The following CADM2 variants were observed in gnomAD, a reference collection of about 807,000 sequenced individuals.
The protein encoded by CADM2 is cell adhesion molecule 2.
Under a neutral mutation model 49.8 loss-of-function variants are expected in CADM2, and 12 were observed. The ratio of observed to expected loss-of-function variants is 0.24; its 90% CI spans 0.15 to 0.39. The LOEUF is 0.39. Ranked by LOEUF, CADM2 falls within the 10% of genes least tolerant of loss-of-function variation. The pLI, the probability that CADM2 is intolerant of heterozygous loss-of-function variation, is 1.00. For synonymous variants in CADM2, 214 were observed against 175.4 expected (o/e 1.22, Z -1.74); for missense variants, 378 against 492.3 (o/e 0.77, Z 2.20).
intron 3 of CADM2, among the ~76,000 whole-genome samples, chr3:85,805,164 C>T (rs992781697): frequency 2.0e-5 from 3 of 152,018 alleles, no homozygotes; most frequent in South Asian, 4.1e-4. Context: ...GGCTAGGCTG[C>T]AACTCCTGAG....
intron 7 of CADM2, among the ~76,000 whole-genome samples, chr3:85,946,462 G>A (rs925842475): frequency 1.1e-4 from 17 of 152,050 alleles, no homozygotes; most frequent in East Asian, 3.9e-4. Flanking sequence ...AAAAGAGCCC[G>A]CATCGCCAAG....
rs1440467932 is a variant in CADM2, at chr3:86,055,481, G to GTTTTTTTTTTTTTTTTTTTTTTTTTT, written c.971-10120_971-10119insTTTTTTTTTTTTTTTTTTTTTTTTTT. Among the ~76,000 whole-genome samples the GTTTTTTTTTTTTTTTTTTTTTTTTTT allele has an allele frequency of 9.1e-5, 11 of 121,044 alleles. 1 individual carries two copies. Among genetic ancestry groups the GTTTTTTTTTTTTTTTTTTTTTTTTTT allele is most frequent in the African/African-American group, 6.5e-5 (2 of 30,942 alleles). The allele number at this position is 121,044 out of a possible 152,430, so 79.4% of individuals were successfully genotyped here. Reference sequence around the variant, plus strand: ...TTTTTTTTTTTTTTTTTTTTTTTTGGTTTTAGAGGGATTCTTGCTCTGTCA... The same window carrying GTTTTTTTTTTTTTTTTTTTTTTTTTT: ...TTTTTTTTTTTTTTTTTTTTTTTTGGTTTTTTTTTTTTTTTTTTTTTTTTTTTTTTAGAGGGATTCTTGCTCTGTCA... On this transcript the variant is annotated intron_variant, in intron 8 of 9. Coordinates refer to ENST00000383699, the MANE Select transcript of CADM2 (RefSeq NM_001167675.2).
intron 1 of CADM2, among the ~76,000 whole-genome samples, chr3:85,698,985 C>A (rs988763269): frequency 6.6e-6 from 1 of 152,200 alleles, no homozygotes; most frequent in African/African-American, 2.4e-5. Context: ...TAGTTACTCC[C>A]AAGCTACAAT....
intron 3 of CADM2, among the ~76,000 whole-genome samples, chr3:85,866,487 T>C (rs773750716): frequency 1.7e-4 from 26 of 152,170 alleles, no homozygotes; most frequent in Non-Finnish European, 3.1e-4. Context: ...GTGAATTTTA[T>C]GCCATATTAT....
At chr3:84,980,977 A>G (rs922948918) in intron 1 of CADM2, among the ~76,000 whole-genome samples, 1 of 151,588 alleles carries the variant, frequency 6.6e-6, no homozygotes, top group Non-Finnish European at 1.5e-5. Flanking sequence ...TAATATAGGA[A>G]TTTTTTTTTA....
At position 86,069,944 on chromosome 3, in the gene CADM2, G is replaced by A. The variant is rs1739709136; in HGVS notation, c.*3161G>A. 6.6e-6 allele frequency: 1 copy of A among 151,828 alleles called. No individual in the cohort carries two copies. Among genetic ancestry groups the A allele is most frequent in the Non-Finnish European group, 1.5e-5 (1 of 67,766 alleles). The allele number at this position is 151,828 out of a possible 1,614,324, so 9.4% of individuals were successfully genotyped here. ...ATTAAAGACAGAGCGCATGAGCAGA[G>A]TACTGATGGTGTGCGTGTTTGTGTG... On this transcript the variant is annotated 3_prime_UTR_variant, in exon 10 of 10. Coordinates refer to ENST00000383699, the MANE Select transcript of CADM2 (RefSeq NM_001167675.2).
chr3:85,308,983 T>G (rs1419227059), intron 1 of CADM2, among the ~76,000 whole-genome samples: 1 of 152,078 alleles, frequency 6.6e-6, no homozygotes, highest in Non-Finnish European at 1.5e-5. Flanking sequence ...GAAGTCCCTG[T>G]GCTCACAGAC....
At chr3:85,967,242 T>C (rs1418783854) in intron 8 of CADM2, among the ~76,000 whole-genome samples, 1 of 151,662 alleles carries the variant, frequency 6.6e-6, no homozygotes, top group Non-Finnish European at 1.5e-5. Flanking sequence ...TCCTGGGTAG[T>C]GATTCTCCAT....
chr3:85,916,976 A>G (rs1261240742), intron 6 of CADM2, among the ~76,000 whole-genome samples: 1 of 152,034 alleles, frequency 6.6e-6, no homozygotes, highest in Admixed American at 6.6e-5. Context: ...TCTTCTTTTG[A>G]GAAGTGTCTG....
chr3:85,640,465 C>T (rs547768834), intron 1 of CADM2, among the ~76,000 whole-genome samples: 14 of 152,292 alleles, frequency 9.2e-5, no homozygotes, highest in African/African-American at 3.4e-4. Context: ...ACCTAGTTGA[C>T]ACTTAACTCA....
At chr3:85,593,170 T>TTTTTA (rs201757843) in intron 1 of CADM2, among the ~76,000 whole-genome samples, 7 of 151,778 alleles carry the variant, frequency 4.6e-5, no homozygotes, top group African/African-American at 1.7e-4. Context: ...TTAATAAGAT[T>TTTTTA]TTTTATTTTA....
intron 1 of CADM2, among the ~76,000 whole-genome samples, chr3:85,193,133 A>G (rs1179371421): frequency 6.6e-6 from 1 of 152,086 alleles, no homozygotes; most frequent in African/African-American, 2.4e-5. Context: ...GATATGACAG[A>G]AAAGTATTAA....
At chr3:86,042,624 A>T (rs1216171857) in intron 8 of CADM2, among the ~76,000 whole-genome samples, 8 of 152,156 alleles carry the variant, frequency 5.3e-5, no homozygotes, top group Non-Finnish European at 1.2e-4. Context: ...GACCAGATGG[A>T]TTCACAGCTG....
intron 1 of CADM2, among the ~76,000 whole-genome samples, chr3:85,352,184 T>C (rs1158656840): frequency 6.6e-6 from 1 of 152,138 alleles, no homozygotes; most frequent in Non-Finnish European, 1.5e-5. Context: ...TAGTTCATCT[T>C]ATAAAAATAT....
intron 1 of CADM2, among the ~76,000 whole-genome samples, chr3:85,238,464 C>G (rs1176222500): frequency 6.6e-6 from 1 of 151,910 alleles, no homozygotes; most frequent in East Asian, 1.9e-4. Context: ...GCAACTTCTC[C>G]TGGTTCAGCT....
intron 1 of CADM2, among the ~76,000 whole-genome samples, chr3:85,346,827 T>A (rs1380556461): frequency 2.0e-5 from 3 of 152,214 alleles, no homozygotes; most frequent in African/African-American, 4.8e-5. Flanking sequence ...AGTGTTAATA[T>A]TTTATCTTTA....
At chr3:85,332,976 T>C (rs1370200376) in intron 1 of CADM2, among the ~76,000 whole-genome samples, 1 of 151,926 alleles carries the variant, frequency 6.6e-6, no homozygotes, top group Admixed American at 6.6e-5. Flanking sequence ...TAATTCTTTT[T>C]AAAATAAGTT....
intron 8 of CADM2, among the ~76,000 whole-genome samples, chr3:86,036,536 G>T (rs747671566): frequency 2.4e-4 from 36 of 151,888 alleles, no homozygotes; most frequent in Non-Finnish European, 4.3e-4. Flanking sequence ...TCTCTCCAAG[G>T]TGTTGGACTG....
chr3:85,359,267 G>A lies in CADM2; in HGVS notation c.62-367255G>A, dbSNP rs372040684. On this transcript the variant is annotated intron_variant, in intron 1 of 9. Transcript: ENST00000383699. ...TTATGCCTTTGTTGAGATTTTCAAA[G>A]TAATCCAAATACTTGAACAAGCATT... is the stretch of plus-strand genomic sequence containing the variant. 5.3e-5 allele frequency among the ~76,000 whole-genome samples: 8 copies of A among 152,050 alleles called. No homozygotes were observed. The East Asian group carries it at 1.4e-3, about 26-fold the overall frequency.
Sources: gnomAD v4.1 joint callset for allele counts (sites outside exome capture counted in the v4.1 genomes callset) on GRCh38, gnomAD v4.1.1 for gene constraint, MANE v1.5 for transcripts, NCBI Gene and HGNC (gene_info 2026-07-23, HGNC 2026-07-21) for gene names.